The following RBM25 variants were observed in gnomAD, a reference collection of about 807,000 sequenced individuals.
The protein encoded by RBM25 is RNA binding motif protein 25.
Under a neutral mutation model 120.7 loss-of-function variants are expected in RBM25, and 19 were observed. The ratio of observed to expected loss-of-function variants is 0.16; its 90% CI spans 0.11 to 0.23. The LOEUF (loss-of-function observed/expected upper bound fraction) is 0.23, where lower values mean the gene tolerates loss of function less well. Ranked by LOEUF, RBM25 falls within the 10% of genes least tolerant of loss-of-function variation. The pLI, the probability that RBM25 is intolerant of heterozygous loss-of-function variation, is 1.00. For missense variants in RBM25, 605 were observed against 1,041.5 expected (o/e 0.58, Z 5.77); for synonymous variants, 390 against 326.7 (o/e 1.19, Z -2.09).
At chr14:73,068,965 A>G (rs986404370) in intron 1 of RBM25, among the ~76,000 whole-genome samples, 1 of 152,144 alleles carries the variant, frequency 6.6e-6, no homozygotes, top group Non-Finnish European at 1.5e-5. Flanking sequence ...GTGTAGTGGC[A>G]CGATCTCAGC....
At chr14:73,075,316 G>A (rs1294502434) in intron 2 of RBM25, among the ~76,000 whole-genome samples, 1 of 151,858 alleles carries the variant, frequency 6.6e-6, no homozygotes, top group Non-Finnish European at 1.5e-5. Context: ...GCACCACTAC[G>A]CCTGGCTAAT....
At chr14:73,075,781 C>T (rs999428781) in intron 2 of RBM25, among the ~76,000 whole-genome samples, 10 of 151,448 alleles carry the variant, frequency 6.6e-5, no homozygotes, top group Admixed American at 5.3e-4. Flanking sequence ...CCATGTTGCA[C>T]GACGTGTTTT....
intron 18 of RBM25, among the ~76,000 whole-genome samples, chr14:73,117,210 CTTTTTTTTTTTTTTTTTTTTT>C (rs71112704): frequency 1.2e-4 from 6 of 49,424 alleles, no homozygotes; most frequent in Non-Finnish European, 2.2e-4. Context: ...TTCTTCTTTT[CTTTTTTTTTTTTTTTTTTTTT>C]TTTTTTTTTT....
At position 73,077,421 on chromosome 14, in the gene RBM25, A is replaced by G; in HGVS notation, c.209A>G (p.Asp70Gly). ...MVGKHLGARK[D>G]HPGLKAKEND... is the part of the protein sequence containing the mutation. ...GGAAAGCATTTGGGCGCAAGAAAGG[A>G]TCATCCAGGCTTAAAGGCTAAAGAA... The change falls in exon 4 of 19, where the codon GAT becomes GGT. Residue 70 changes from aspartate to glycine, a missense_variant. Asp to Gly is a moderately conservative substitution (Grantham distance 94). Around this residue, in one of 4 missense-constraint regions of RBM25, gnomAD observed 90 missense variants for 107.3 expected, o/e 0.84. Coordinates refer to ENST00000261973, the MANE Select transcript of RBM25 (RefSeq NM_021239.3). 1.9e-6 allele frequency: 3 copies of G among 1,613,942 alleles called. No homozygotes were observed. Among genetic ancestry groups the G allele is most frequent in the Non-Finnish European group, 2.5e-6 (3 of 1,179,828 alleles).
intron 2 of RBM25, among the ~76,000 whole-genome samples, chr14:73,073,762 A>G (rs1350773305): frequency 5.3e-5 from 8 of 152,340 alleles, no homozygotes; most frequent in African/African-American, 1.9e-4. Flanking sequence ...TTAATAAGCT[A>G]TTTTAGACAT....
intron 5 of RBM25, among the ~76,000 whole-genome samples, chr14:73,085,968 C>G (rs1311201904): frequency 6.6e-6 from 1 of 151,208 alleles, no homozygotes. Flanking sequence ...TGTCTCTGCA[C>G]TTTACATCTC....
At chr14:73,083,861 T>C (rs1436003219) in intron 5 of RBM25, among the ~76,000 whole-genome samples, 1 of 151,940 alleles carries the variant, frequency 6.6e-6, no homozygotes, top group African/African-American at 2.4e-5. Context: ...ATGGAACAAT[T>C]AGTAAGGGAG....
intron 5 of RBM25, among the ~76,000 whole-genome samples, chr14:73,085,099 A>G (rs116963374): frequency 0.016 from 2,433 of 151,658 alleles, 47 homozygotes; most frequent in East Asian, 0.049. Flanking sequence ...GCTCACTGCA[A>G]TCTCCAACTC....
chr14:73,093,691 A>G (rs940144705), intron 6 of RBM25, among the ~76,000 whole-genome samples: 5 of 150,894 alleles, frequency 3.3e-5, no homozygotes, highest in East Asian at 4.0e-4. Context: ...TATTTTTAGT[A>G]AAGATGGGTT....
chr14:73,092,808 TCTC>T (rs751472878), intron 6 of RBM25, among the ~76,000 whole-genome samples: 1 of 152,058 alleles, frequency 6.6e-6, no homozygotes, highest in Admixed American at 6.6e-5. Flanking sequence ...CTCAAGCAGT[TCTC>T]CTGCTTCGGC....
intron 10 of RBM25, among the ~76,000 whole-genome samples, chr14:73,105,126 C>CTTTTTTTTTTTTTTTTTT (rs34862161): frequency 9.1e-6 from 1 of 109,564 alleles, no homozygotes; most frequent in African/African-American, 3.8e-5. Flanking sequence ...GGTTTTATTA[C>CTTTTTTTTTTTTTTTTTT]TTTTTTTTTT....
Position 73,120,126 on chromosome 14 carries a change from A to G in RBM25, c.*321A>G, listed in dbSNP as rs575615251. 16 of 208,524 alleles carry G rather than the reference A, an allele frequency of 7.7e-5. No homozygotes were observed. The highest frequency in any genetic ancestry group is 1.0e-4 in the Non-Finnish European group (11 of 106,246). 12.9% of individuals were successfully genotyped at this position (208,524 alleles called of 1,614,324 possible). On this transcript the variant is annotated 3_prime_UTR_variant, in exon 19 of 19. Coordinates refer to ENST00000261973, the MANE Select transcript of RBM25 (RefSeq NM_021239.3). ...TTGTAAATATTAAAACGACTCCCCA[A>G]TTATTTTGCAGAATTGCACTTAATA...
At chr14:73,105,126 C>CT (rs34862161) in intron 10 of RBM25, among the ~76,000 whole-genome samples, 18,613 of 109,344 alleles carry the variant, frequency 0.17, 2,445 homozygotes, top group South Asian at 0.24. Flanking sequence ...GGTTTTATTA[C>CT]TTTTTTTTTT....
chr14:73,117,150 AT>A (rs1028427123), intron 18 of RBM25, among the ~76,000 whole-genome samples: 9 of 149,106 alleles, frequency 6.0e-5, no homozygotes, highest in Non-Finnish European at 8.9e-5. Flanking sequence ...TCTTTAATTA[AT>A]TATTGCTATC....
At chr14:73,089,443 C>T (rs1458130799) in intron 6 of RBM25, among the ~76,000 whole-genome samples, 1 of 151,990 alleles carries the variant, frequency 6.6e-6, no homozygotes. Context: ...CAACCTCTGC[C>T]TCCCGTGTTC....
chr14:73,101,534 C>A (rs1029089076), intron 9 of RBM25: 2 of 146,072 alleles, frequency 1.4e-5, no homozygotes, highest in African/African-American at 2.5e-5. Context: ...ATATATATAT[C>A]TCATATATAA....
At chr14:73,066,475 A>G (rs1165124456) in intron 1 of RBM25, among the ~76,000 whole-genome samples, 1 of 152,028 alleles carries the variant, frequency 6.6e-6, no homozygotes, top group Non-Finnish European at 1.5e-5. Flanking sequence ...CGTCTCTACT[A>G]AAAATACAAA....
At position 73,121,774 on chromosome 14, in the gene RBM25, G is replaced by C. The variant is rs769689332; in HGVS notation, c.*1969G>C. 1 of 152,140 alleles carries C rather than the reference G, an allele frequency of 6.6e-6. No individual in the cohort carries two copies. The highest frequency in any genetic ancestry group is 1.5e-5 in the Non-Finnish European group (1 of 68,050). 9.4% of individuals were successfully genotyped at this position (152,140 alleles called of 1,614,324 possible). Reference sequence around the variant, plus strand: ...CGTTTCTTCTCCTGCTCTGTCAACTGTACTTATCTTAAAGGGCCACTCTAA... The same window carrying C: ...CGTTTCTTCTCCTGCTCTGTCAACTCTACTTATCTTAAAGGGCCACTCTAA... On this transcript the variant is annotated 3_prime_UTR_variant, in exon 19 of 19. Transcript: ENST00000261973.
intron 5 of RBM25, among the ~76,000 whole-genome samples, chr14:73,085,785 A>C (rs1292459627): frequency 1.3e-5 from 2 of 152,186 alleles, no homozygotes; most frequent in East Asian, 3.9e-4. Flanking sequence ...GGATAGATGC[A>C]CTGGCTTGCT....
Sources: allele counts gnomAD v4.1 joint callset (sites outside exome capture counted in the v4.1 genomes callset), GRCh38; gene constraint gnomAD v4.1.1; regional missense constraint gnomAD v4.1.1; transcripts MANE v1.5; gene names NCBI Gene and HGNC (gene_info 2026-07-23, HGNC 2026-07-21).